TPT1: variants seen among roughly 807,000 people sequenced by gnomAD.
The protein encoded by TPT1 is tumor protein, translationally-controlled 1.
A neutral mutation model predicts 22.8 loss-of-function variants in TPT1; 5 were observed. That is an observed-to-expected ratio of 0.22 (90% confidence interval 0.11 to 0.46). The LOEUF (loss-of-function observed/expected upper bound fraction) is 0.46, where lower values mean the gene tolerates loss of function less well. Ranked by LOEUF, TPT1 falls within the 20% of genes least tolerant of loss-of-function variation. The pLI is 0.99. For missense variants in TPT1, 130 were observed against 218.7 expected (o/e 0.59, Z 2.56); for synonymous variants, 89 against 73.6 (o/e 1.21, Z -1.07).
chr13:45,340,637 C>A (rs759442229), intron 2 of TPT1, 75 bp downstream of exon 2: 2 of 1,505,722 alleles, frequency 1.3e-6, no homozygotes, highest in Non-Finnish European at 1.8e-6. Flanking sequence ...GATTGCACAA[C>A]CTCAGGCGGG....
In TPT1 at chr13:45,340,092, T is replaced by C. The variant is rs1878982584; in HGVS notation, c.195A>G (p.Thr65=). 8.1e-6 allele frequency: 13 copies of C among 1,614,248 alleles called. No individual in the cohort carries two copies. The highest frequency in any genetic ancestry group is 1.1e-5 in the Non-Finnish European group (13 of 1,180,048). ...TGACAATATCGACACCAGTGATTAC[T>C]GTGCTTTCGGTACCTTCGCCCTCGG... ...EGPEGEGTES[T]VITGVDIVMN... The change falls in exon 3 of 6, where the codon ACA becomes ACG. Residue 65 remains threonine, a synonymous_variant. Transcript: ENST00000530705.
At chr13:45,337,643 T>C in intron 5 of TPT1, 1 of 1,408,618 alleles carries the variant, frequency 7.1e-7, no homozygotes. Flanking sequence ...AGCTCATTTT[T>C]CAGAAGGCTG....
At position 45,341,167 on chromosome 13, in the gene TPT1, G is replaced by C; in HGVS notation, c.-98C>G. 1.9e-6 allele frequency: 3 copies of C among 1,539,144 alleles called. No individual in the cohort carries two copies. The highest frequency in any genetic ancestry group is 2.7e-6 in the Non-Finnish European group (3 of 1,131,738). On this transcript the variant is annotated 5_prime_UTR_variant, in exon 1 of 6. Transcript: ENST00000530705. Reference sequence around the variant, plus strand: ...GCCGGAGCGGCGCTCGGGGGGAGGGGGGAGCGGGCGGAAAAGGCCGACTCA... The same window carrying C: ...GCCGGAGCGGCGCTCGGGGGGAGGGCGGAGCGGGCGGAAAAGGCCGACTCA...
chr13:45,337,375 T>C lies in TPT1; in HGVS notation c.*11A>G. The C allele has an allele frequency of 6.2e-7, 1 of 1,613,882 alleles. No individual in the cohort carries two copies. The highest frequency in any genetic ancestry group is 2.2e-5 in the East Asian group (1 of 44,876). The stretch of plus-strand genomic sequence containing the variant: ...TGACAGGTGATAGATCCAAAATAAT[T>C]GCCACATTTGTTACTGTAAAAGCAA... On this transcript the variant is annotated 3_prime_UTR_variant, in exon 6 of 6. Transcript: ENST00000530705.
intron 3 of TPT1, 139 bp downstream of exon 3, chr13:45,339,855 C>A: frequency 1.0e-6 from 1 of 984,234 alleles, no homozygotes; most frequent in South Asian, 1.7e-5. Context: ...AAAGCAACCA[C>A]TCTTTTCCGT....
intron 3 of TPT1, 115 bp downstream of exon 3, chr13:45,339,879 A>G: frequency 8.2e-7 from 1 of 1,225,926 alleles, no homozygotes; most frequent in Non-Finnish European, 1.1e-6. Flanking sequence ...CTCATTAATA[A>G]AAAAGCAAGG....
intron 3 of TPT1, 160 bp downstream of exon 3, chr13:45,339,834 C>A: frequency 1.2e-6 from 1 of 829,194 alleles, no homozygotes; most frequent in Non-Finnish European, 1.8e-6. Flanking sequence ...TCAGTATGCT[C>A]ATATTATAGA....
intron 5 of TPT1, chr13:45,338,371 C>A: frequency 2.4e-6 from 1 of 421,874 alleles, no homozygotes; most frequent in Non-Finnish European, 4.1e-6. Flanking sequence ...GCACCCACCT[C>A]GGCGTCCCAA....
chr13:45,338,882 A>G, intron 4 of TPT1, 106 bp from the exon 5 acceptor site: 1 of 902,842 alleles, frequency 1.1e-6, no homozygotes, highest in East Asian at 2.7e-5. Flanking sequence ...ACAAAAATCA[A>G]AACTTCAGTA....
intron 3 of TPT1, 132 bp downstream of exon 3, chr13:45,339,862 C>T (rs1280538296): frequency 9.7e-7 from 1 of 1,033,156 alleles, no homozygotes; most frequent in African/African-American, 1.6e-5. Flanking sequence ...CCACTCTTTT[C>T]CGTGAACTCA....
intron 1 of TPT1, 40 bp downstream of exon 1, chr13:45,341,002 C>G: frequency 3.7e-6 from 6 of 1,602,784 alleles, no homozygotes; most frequent in Non-Finnish European, 5.1e-6. Flanking sequence ...CACCCCAGAC[C>G]CCCGTGTGCG....
rs1441728966 is a variant in TPT1, at chr13:45,336,681, T to G, written c.*705A>C. ...AATAAAACTGGACTCGAACTTAAATTCCATATCCCACAAGGTATTCTTTTC... is the reference window on the plus strand; with the variant it reads ...AATAAAACTGGACTCGAACTTAAATGCCATATCCCACAAGGTATTCTTTTC... On this transcript the variant is annotated 3_prime_UTR_variant, in exon 6 of 6. Transcript: ENST00000530705. The G allele has an allele frequency of 6.6e-6, 1 of 152,206 alleles. No homozygotes were observed. Among genetic ancestry groups the G allele is most frequent in the Non-Finnish European group, 1.5e-5 (1 of 68,096 alleles). 9.4% of individuals were successfully genotyped at this position (152,206 alleles called of 1,614,324 possible).
At position 45,340,790 on chromosome 13, in the gene TPT1, C is replaced by G; in HGVS notation, c.29-5G>C. 6.6e-7 allele frequency: 1 copy of G among 1,513,180 alleles called. No homozygotes were observed. The highest frequency in any genetic ancestry group is 8.8e-7 in the Non-Finnish European group (1 of 1,131,480). 93.7% of individuals were successfully genotyped at this position (1,513,180 alleles called of 1,614,324 possible). On this transcript the variant is annotated splice_region_variant and splice_polypyrimidine_tract_variant and intron_variant, in intron 1 of 5. Coordinates refer to ENST00000530705, the MANE Select transcript of TPT1 (RefSeq NM_003295.4). ...TGTCGGAGAACATCTCATCGTCTGC[C>G]GGATACACAGAGCCGCCCATCACCG...
At position 45,337,098 on chromosome 13, in the gene TPT1, T is replaced by G; in HGVS notation, c.*288A>C. Reference sequence around the variant, plus strand: ...TTAATTGATGAGTAGTAGCCTACAATCAGGCTCTAGCTTCTCCAGGAACAC... The same window carrying G: ...TTAATTGATGAGTAGTAGCCTACAAGCAGGCTCTAGCTTCTCCAGGAACAC... On this transcript the variant is annotated 3_prime_UTR_variant, in exon 6 of 6. Coordinates refer to ENST00000530705, the MANE Select transcript of TPT1 (RefSeq NM_003295.4). 2.1e-6 allele frequency: 1 copy of G among 468,510 alleles called. No homozygotes were observed. Among genetic ancestry groups the G allele is most frequent in the Non-Finnish European group, 3.8e-6 (1 of 260,070 alleles). The allele number at this position is 468,510 out of a possible 1,614,324, so 29.0% of individuals were successfully genotyped here.
At chr13:45,340,836 C>G in intron 1 of TPT1, 51 bp from the exon 2 acceptor site, 1 of 1,488,412 alleles carries the variant, frequency 6.7e-7, no homozygotes, top group Non-Finnish European at 8.9e-7. Flanking sequence ...GCCGCCATTT[C>G]CCGCATTTCC....
Position 45,341,072 on chromosome 13 carries a change from T to C in TPT1, c.-3A>G, listed in dbSNP as rs372450467. 1.5e-4 allele frequency: 243 copies of C among 1,612,706 alleles called. 4 individuals are homozygous for C. The highest frequency in any genetic ancestry group is 9.5e-4 in the South Asian group (86 of 90,976). ...ATGAGGTCCCGGTAGATAATCATGA[T>C]GGCGACTGAAGGGAGACGACGACGG... On this transcript the variant is annotated 5_prime_UTR_variant, in exon 1 of 6. Transcript: ENST00000530705.
chr13:45,336,780 A>T lies in TPT1; in HGVS notation c.*606T>A, dbSNP rs1026943925. Reference sequence around the variant, plus strand: ...AGGTGGTCAGATAGGCTAGTTTGCCAGTCCCTGTTCTAGTTACCAGGGAGT... The same window carrying T: ...AGGTGGTCAGATAGGCTAGTTTGCCTGTCCCTGTTCTAGTTACCAGGGAGT... On this transcript the variant is annotated 3_prime_UTR_variant, in exon 6 of 6. Coordinates refer to ENST00000530705, the MANE Select transcript of TPT1 (RefSeq NM_003295.4). 2.6e-5 allele frequency: 4 copies of T among 152,862 alleles called. No homozygotes were observed. Among genetic ancestry groups the T allele is most frequent in the Admixed American group, 6.5e-5 (1 of 15,328 alleles). The allele number at this position is 152,862 out of a possible 1,614,324, so 9.5% of individuals were successfully genotyped here. A position where few individuals can be genotyped will look rare whatever the true frequency, so the allele number is the denominator to read the frequency against.
At position 45,340,385 on chromosome 13, in the gene TPT1, T is replaced by A. The variant is rs1268780925; in HGVS notation, c.103-201A>T. 10 of 859,726 alleles carry A rather than the reference T, an allele frequency of 1.2e-5. No individual in the cohort carries two copies. The Admixed American group carries it at 1.4e-4, about 12-fold the overall frequency. The allele number at this position is 859,726 out of a possible 1,614,324, so 53.3% of individuals were successfully genotyped here. On this transcript the variant is annotated intron_variant, in intron 2 of 5. Transcript: ENST00000530705. The stretch of plus-strand genomic sequence containing the variant: ...GTTGTCTGTTGGCCGGAACAAAAAA[T>A]GGGGTCATTAAAAAGTTGTTTCCAG...
Position 45,334,621 on chromosome 13 carries a change from TACC to T in TPT1, c.*2762_*2764del. 1 of 152,348 alleles carries T rather than the reference TACC, an allele frequency of 6.6e-6. No homozygotes were observed. Among genetic ancestry groups the T allele is most frequent in the East Asian group, 1.9e-4 (1 of 5,192 alleles). The allele number at this position is 152,348 out of a possible 1,614,324, so 9.4% of individuals were successfully genotyped here. ...TCCTGTTGTCTCTATCTTCATTTCCTACCACCTCAGTCTACTACCCTAGACTAA... is the reference window on the plus strand; with the variant it reads ...TCCTGTTGTCTCTATCTTCATTTCCTACCTCAGTCTACTACCCTAGACTAA... On this transcript the variant is annotated 3_prime_UTR_variant, in exon 6 of 6. Transcript: ENST00000530705.
Sources: allele counts gnomAD v4.1 joint callset, GRCh38; gene constraint gnomAD v4.1.1; transcripts MANE v1.5; gene names NCBI Gene and HGNC (gene_info 2026-07-23, HGNC 2026-07-21).